Variants in RFTN2 observed in about 807,000 individuals in gnomAD.
The protein encoded by RFTN2 is raftlin family member 2, also known as raftlin-2.
RFTN2 carries 34 observed loss-of-function variants against 52.7 expected under a neutral mutation model. The observed-to-expected ratio is 0.64, with a 90% CI of 0.49 to 0.86. The LOEUF (loss-of-function observed/expected upper bound fraction) is 0.86, where lower values mean the gene tolerates loss of function less well. Ranked by LOEUF, RFTN2 falls within the 40% of genes least tolerant of loss-of-function variation. The pLI is 0.00. For missense variants in RFTN2, 536 were observed against 600.1 expected (o/e 0.89, Z 1.12); for synonymous variants, 203 against 217.7 (o/e 0.93, Z 0.59).
rs142770250 is a variant in RFTN2, at chr2:197,583,703, T to C, written c.1234-11423A>G. Among the ~76,000 whole-genome samples the C allele has an allele frequency of 9.1e-3, 1,384 of 152,072 alleles. 26 individuals carry two copies. The highest frequency in any genetic ancestry group is 0.032 in the African/African-American group (1,318 of 41,428). On this transcript the variant is annotated intron_variant, in intron 8 of 8. Coordinates refer to ENST00000295049, the MANE Select transcript of RFTN2 (RefSeq NM_144629.3). ...TGCAGGTTTGTTACATATGTATACATGTGCCATGTTGGTGTGCTGCACCCA... is the reference window on the plus strand; with the variant it reads ...TGCAGGTTTGTTACATATGTATACACGTGCCATGTTGGTGTGCTGCACCCA...
chr2:197,600,899 T>C (rs966480489), intron 7 of RFTN2, among the ~76,000 whole-genome samples: 3 of 152,206 alleles, frequency 2.0e-5, no homozygotes, highest in African/African-American at 7.2e-5. Flanking sequence ...GATTTAGAGA[T>C]AGTAATTTAA....
intron 8 of RFTN2, among the ~76,000 whole-genome samples, chr2:197,589,200 T>TG (rs1559340167): frequency 9.2e-6 from 1 of 108,608 alleles, no homozygotes; most frequent in Non-Finnish European, 1.7e-5. Flanking sequence ...CCAGCCTGGG[T>TG]GACAGAGTGA....
At chr2:197,646,713 A>C (rs1179702845) in intron 1 of RFTN2, 47 bp from the exon 2 acceptor site, 34 of 1,412,792 alleles carry the variant, frequency 2.4e-5, no homozygotes, top group Admixed American at 1.5e-4. Context: ...TTAAGATTGA[A>C]TTATACATTA....
chr2:197,588,240 G>A (rs935325412), intron 8 of RFTN2, among the ~76,000 whole-genome samples: 10 of 152,136 alleles, frequency 6.6e-5, no homozygotes, highest in Non-Finnish European at 1.5e-4. Flanking sequence ...ATGTTTGCAT[G>A]CACACAGACG....
intron 5 of RFTN2, 73 bp from the exon 6 acceptor site, chr2:197,617,994 A>G: frequency 1.6e-6 from 2 of 1,214,062 alleles, no homozygotes; most frequent in Non-Finnish European, 2.2e-6. Context: ...AAATCCTTAA[A>G]TAACTCATAT....
intron 7 of RFTN2, among the ~76,000 whole-genome samples, chr2:197,603,689 C>A (rs940880084): frequency 4.6e-5 from 7 of 152,126 alleles, no homozygotes; most frequent in Admixed American, 4.6e-4. Flanking sequence ...GTGAGGCAGG[C>A]GGATCTCTGG....
chr2:197,583,458 T>G (rs1315241307), intron 8 of RFTN2, among the ~76,000 whole-genome samples: 1 of 152,144 alleles, frequency 6.6e-6, no homozygotes, highest in Non-Finnish European at 1.5e-5. Flanking sequence ...GGACCGGCCA[T>G]TCTAGTCAAA....
chr2:197,673,058 C>A (rs918991521), intron 1 of RFTN2, among the ~76,000 whole-genome samples: 2 of 152,114 alleles, frequency 1.3e-5, no homozygotes, highest in Non-Finnish European at 2.9e-5. Context: ...CCCATTGGAT[C>A]TACTTTCTGT....
intron 5 of RFTN2, among the ~76,000 whole-genome samples, chr2:197,627,799 A>G (rs2088390366): frequency 6.6e-6 from 1 of 152,078 alleles, no homozygotes; most frequent in African/African-American, 2.4e-5. Context: ...GTGGAGGGAC[A>G]CTGAGAAGGA....
At chr2:197,606,210 A>C in intron 7 of RFTN2, among the ~76,000 whole-genome samples, 1 of 152,166 alleles carries the variant, frequency 6.6e-6, no homozygotes, top group East Asian at 1.9e-4. Flanking sequence ...CATGCTCTAG[A>C]CCTTCATGGC....
intron 7 of RFTN2, among the ~76,000 whole-genome samples, chr2:197,598,306 A>G (rs2106190203): frequency 6.6e-6 from 1 of 152,266 alleles, no homozygotes; most frequent in South Asian, 2.1e-4. Flanking sequence ...GGTGACAGAA[A>G]GAGAACCTAT....
intron 3 of RFTN2, among the ~76,000 whole-genome samples, chr2:197,640,492 G>T (rs1168286933): frequency 6.6e-6 from 1 of 152,004 alleles, no homozygotes; most frequent in Non-Finnish European, 1.5e-5. Flanking sequence ...GGAGTGACCC[G>T]ATTTTCCAGG....
At chr2:197,648,099 T>G (rs954999631) in intron 1 of RFTN2, among the ~76,000 whole-genome samples, 14 of 152,130 alleles carry the variant, frequency 9.2e-5, no homozygotes, top group Admixed American at 3.9e-4. Flanking sequence ...TGGTGAGTGG[T>G]GTCTGGCAAA....
chr2:197,618,046 T>G, intron 5 of RFTN2, 125 bp from the exon 6 acceptor site: 1 of 602,412 alleles, frequency 1.7e-6, no homozygotes, highest in African/African-American at 2.0e-5. Flanking sequence ...AAACATTTGT[T>G]GCCCCCTCCC....
rs902417662 is a variant in RFTN2, at chr2:197,568,269, C to T, written c.*3739G>A. Reference sequence around the variant, plus strand: ...TTCATTTATTCCATTGATTTAATTACTTGGTATTTTTACATACAAAAATTT... The same window carrying T: ...TTCATTTATTCCATTGATTTAATTATTTGGTATTTTTACATACAAAAATTT... On this transcript the variant is annotated 3_prime_UTR_variant, in exon 9 of 9. Coordinates refer to ENST00000295049, the MANE Select transcript of RFTN2 (RefSeq NM_144629.3). 2 of 152,172 alleles carry T rather than the reference C, an allele frequency of 1.3e-5. No individual in the cohort carries two copies. Among genetic ancestry groups the T allele is most frequent in the Non-Finnish European group, 1.5e-5 (1 of 68,034 alleles). The allele number at this position is 152,172 out of a possible 1,614,324, so 9.4% of individuals were successfully genotyped here.
chr2:197,604,538 C>T (rs2087928875), intron 7 of RFTN2, among the ~76,000 whole-genome samples: 1 of 152,066 alleles, frequency 6.6e-6, no homozygotes. Flanking sequence ...GGGATTCATA[C>T]ATAAGTGGTA....
intron 8 of RFTN2, among the ~76,000 whole-genome samples, chr2:197,574,881 A>G (rs955320764): frequency 5.3e-5 from 8 of 152,040 alleles, no homozygotes; most frequent in Non-Finnish European, 1.2e-4. Context: ...AAACAAACAA[A>G]CAAACAAACA....
At chr2:197,572,320 A>G (rs2087332606) in intron 8 of RFTN2, 40 bp from the exon 9 acceptor site, 16 of 1,600,562 alleles carry the variant, frequency 1.0e-5, no homozygotes, top group Admixed American at 1.7e-5. Context: ...AGTTAAAAAG[A>G]TGGGTGTTTC....
At position 197,596,215 on chromosome 2, in the gene RFTN2, T is replaced by C. The variant is rs75520334; in HGVS notation, c.1155-146A>G. 133 of 472,536 alleles carry C rather than the reference T, an allele frequency of 2.8e-4. No homozygotes were observed. In the East Asian group the frequency reaches 4.4e-3, roughly 16 times the overall value. The allele number at this position is 472,536 out of a possible 1,614,324, so 29.3% of individuals were successfully genotyped here. A position where few individuals can be genotyped will look rare whatever the true frequency, so the allele number is the denominator to read the frequency against. On this transcript the variant is annotated intron_variant, in intron 7 of 8. Coordinates refer to ENST00000295049, the MANE Select transcript of RFTN2 (RefSeq NM_144629.3). ...AATATAAATCTTTTTTTTCTTCCAG[T>C]GATGGAAAGAATGTAAAATATAATT...
Sources: gnomAD v4.1 joint callset for allele counts (sites outside exome capture counted in the v4.1 genomes callset) on GRCh38, gnomAD v4.1.1 for gene constraint, MANE v1.5 for transcripts, NCBI Gene and HGNC (gene_info 2026-07-23, HGNC 2026-07-21) for gene names.